KAZN: variants seen among roughly 807,000 people sequenced by gnomAD.
KAZN encodes the protein kazrin.
Under a neutral mutation model 87.4 loss-of-function variants are expected in KAZN, and 40 were observed. The observed-to-expected ratio is 0.46, with a 90% confidence interval of 0.36 to 0.60. The LOEUF (loss-of-function observed/expected upper bound fraction) is 0.60, where lower values mean the gene tolerates loss of function less well. Among genes scored for constraint, KAZN ranks in the 20% least tolerant of loss-of-function variants. The probability of loss-of-function intolerance (pLI) is 0.00; values close to 1 mark genes in which losing one functional copy is unlikely to be tolerated. For synonymous variants in KAZN, 466 were observed against 458.3 expected, an observed-to-expected ratio of 1.02 and a Z score of -0.22; for missense variants, 898 against 1,073.9, an observed-to-expected ratio of 0.84 and a Z score of 2.29.
intron 1 of KAZN, among the ~76,000 whole-genome samples, chr1:14,698,289 G>C (rs1397513944): frequency 3.3e-5 from 5 of 152,182 alleles, no homozygotes; most frequent in Non-Finnish European, 7.3e-5. Flanking sequence ...AGGTGGGGGT[G>C]GGGAGGGGAA....
intron 2 of KAZN, among the ~76,000 whole-genome samples, chr1:14,577,480 G>A (rs961557282): frequency 6.6e-6 from 1 of 152,162 alleles, no homozygotes; most frequent in Non-Finnish European, 1.5e-5. Flanking sequence ...TGGCACAGAG[G>A]GGAGGTGAGA....
At chr1:14,951,572 G>A (rs1229881224) in intron 1 of KAZN, among the ~76,000 whole-genome samples, 1 of 151,954 alleles carries the variant, frequency 6.6e-6, no homozygotes, top group Non-Finnish European at 1.5e-5. Flanking sequence ...CACCTCCCAG[G>A]TTCAAGCAAT....
intron 1 of KAZN, among the ~76,000 whole-genome samples, chr1:14,164,454 T>TTGTGTGTGTGTGTGTGTG (rs59816103): frequency 2.3e-4 from 33 of 144,730 alleles, no homozygotes; most frequent in African/African-American, 7.2e-4. Context: ...CACTATGGCT[T>TTGTGTGTGTGTGTGTGTG]TGTGTGTGTG....
At chr1:14,260,479 G>A (rs1184399404) in intron 2 of KAZN, among the ~76,000 whole-genome samples, 2 of 152,166 alleles carry the variant, frequency 1.3e-5, no homozygotes, top group Non-Finnish European at 1.5e-5. Context: ...CATGGCTGGA[G>A]CAGGGTGAGC....
intron 2 of KAZN, among the ~76,000 whole-genome samples, chr1:14,294,732 A>G (rs928803543): frequency 1.3e-5 from 2 of 149,686 alleles, no homozygotes; most frequent in Non-Finnish European, 3.0e-5. Context: ...GTAGATTTTA[A>G]TACCACCAAT....
intron 3 of KAZN, among the ~76,000 whole-genome samples, chr1:15,036,845 A>G (rs1331726010): frequency 6.6e-6 from 1 of 152,170 alleles, no homozygotes; most frequent in Non-Finnish European, 1.5e-5. Flanking sequence ...GTGTGTGTCC[A>G]TTCATTTAAC....
intron 2 of KAZN, among the ~76,000 whole-genome samples, chr1:14,310,883 C>G (rs1571276463): frequency 6.6e-6 from 1 of 152,094 alleles, no homozygotes; most frequent in South Asian, 2.1e-4. Flanking sequence ...GCAGTGAAGC[C>G]AACTATTTTG....
intron 2 of KAZN, among the ~76,000 whole-genome samples, chr1:14,206,805 C>T (rs923248210): frequency 6.6e-6 from 1 of 151,160 alleles, no homozygotes; most frequent in African/African-American, 2.4e-5. Context: ...GTATAATATG[C>T]CATAACGTGG....
intron 1 of KAZN, among the ~76,000 whole-genome samples, chr1:13,981,095 A>ATATATATATATATATATATATATAAAAG (rs1196413078): frequency 5.8e-5 from 6 of 104,244 alleles, no homozygotes; most frequent in Non-Finnish European, 1.2e-4. Flanking sequence ...CTCTTTATAT[A>ATATATATATATATATATATATATAAAAG]TATATATATA....
chr1:14,451,082 C>T (rs1667244862), intron 2 of KAZN, among the ~76,000 whole-genome samples: 1 of 152,134 alleles, frequency 6.6e-6, no homozygotes, highest in South Asian at 2.1e-4. Context: ...TCCCTGAAGC[C>T]TCCCCAGAAG....
At chr1:14,436,717 CAAA>C (rs1197002414) in intron 2 of KAZN, among the ~76,000 whole-genome samples, 2 of 51,306 alleles carry the variant, frequency 3.9e-5, no homozygotes, top group Non-Finnish European at 6.7e-5. Context: ...GACTCTGTCT[CAAA>C]AAAAAAAAAA....
chr1:14,027,286 T>C (rs532642932), intron 1 of KAZN, among the ~76,000 whole-genome samples: 8 of 152,236 alleles, frequency 5.3e-5, no homozygotes, highest in Admixed American at 3.9e-4. Flanking sequence ...CTCAGCCCCA[T>C]GCGATGCGCT....
chr1:14,236,343 C>T (rs1244350450), intron 2 of KAZN, among the ~76,000 whole-genome samples: 1 of 152,178 alleles, frequency 6.6e-6, no homozygotes, highest in Admixed American at 6.5e-5. Flanking sequence ...GAGGGTTTCG[C>T]CCCTCTTCCT....
Position 15,094,400 on chromosome 1 carries a change from G to A in KAZN, c.1428+15G>A. 1 of 1,602,994 alleles carries A rather than the reference G, an allele frequency of 6.2e-7. No homozygotes were observed. The highest frequency in any genetic ancestry group is 8.5e-7 in the Non-Finnish European group (1 of 1,174,106). On this transcript the variant is annotated intron_variant, in intron 9 of 14. Transcript: ENST00000376030. The surrounding 1 kb of genome is among the most constrained non-coding windows in gnomAD (Gnocchi z 4.5). ...AGAGCGGGAAGGTAGGCAACTCCGGGCCCCCTATGGGATGCCACCCATGCC... is the reference window on the plus strand; with the variant it reads ...AGAGCGGGAAGGTAGGCAACTCCGGACCCCCTATGGGATGCCACCCATGCC...
intron 2 of KAZN, among the ~76,000 whole-genome samples, chr1:14,982,316 CT>C (rs1666329424): frequency 6.6e-6 from 1 of 151,798 alleles, no homozygotes. Flanking sequence ...AAAACGTGGC[CT>C]TTGGGTGGAT....
At chr1:14,944,453 T>C (rs1661505232) in intron 1 of KAZN, among the ~76,000 whole-genome samples, 2 of 152,186 alleles carry the variant, frequency 1.3e-5, no homozygotes, top group Non-Finnish European at 2.9e-5. Flanking sequence ...CCACGGCCCC[T>C]GGAGATGGGA....
At chr1:14,997,217 A>G (rs919932091) in intron 2 of KAZN, among the ~76,000 whole-genome samples, 1 of 87,926 alleles carries the variant, frequency 1.1e-5, no homozygotes, top group South Asian at 3.7e-4. Context: ...TTATTTATTT[A>G]TTTATTTATT....
chr1:14,237,789 C>T (rs754490668), intron 2 of KAZN, among the ~76,000 whole-genome samples: 10 of 151,928 alleles, frequency 6.6e-5, no homozygotes, highest in South Asian at 2.1e-4. Context: ...TGGCAGGTCA[C>T]GGACTGTATC....
chr1:14,300,960 C>G (rs1048065057), intron 2 of KAZN, among the ~76,000 whole-genome samples: 2 of 152,178 alleles, frequency 1.3e-5, no homozygotes, highest in Admixed American at 6.5e-5. Flanking sequence ...CTGAATTCTG[C>G]AAGCTTGTGG....
Sources: allele counts gnomAD v4.1 joint callset (sites outside exome capture counted in the v4.1 genomes callset), GRCh38; gene constraint gnomAD v4.1.1; non-coding constraint Gnocchi (gnomAD v3.1); transcripts MANE v1.5; gene names NCBI Gene and HGNC (gene_info 2026-07-23, HGNC 2026-07-21).